The following RAB11FIP4 variants were observed in gnomAD, a reference collection of about 807,000 sequenced individuals.
The protein encoded by RAB11FIP4 is RAB11 family interacting protein 4, also known as rab11 family-interacting protein 4.
In RAB11FIP4, 23 loss-of-function variants were observed where a neutral mutation model predicts 74.3. The observed-to-expected ratio is 0.31, with a 90% CI of 0.22 to 0.44. The LOEUF is 0.44. RAB11FIP4 is among the 20% of genes least tolerant of loss of function. RAB11FIP4 has a pLI of 1.00. For missense variants in RAB11FIP4, 630 were observed against 863.9 expected (o/e 0.73, Z 3.39); for synonymous variants, 360 against 359.9 (o/e 1.00, Z 0.00).
rs145017030 is a variant in RAB11FIP4, at chr17:31,403,276, C to A, written c.159+11265C>A. On this transcript the variant is annotated intron_variant, in intron 1 of 14. Transcript: ENST00000621161. ...CAGAGAGGATATGGAGACCCAAGGACTCCAGGACCCACCAAAACTTGCTGG... is the reference window on the plus strand; with the variant it reads ...CAGAGAGGATATGGAGACCCAAGGAATCCAGGACCCACCAAAACTTGCTGG... Among the ~76,000 whole-genome samples the A allele has an allele frequency of 4.1e-3, 617 of 152,104 alleles. 2 individuals are homozygous for A. Among genetic ancestry groups the A allele is most frequent in the Non-Finnish European group, 6.7e-3 (456 of 67,990 alleles).
chr17:31,392,309 C>G (rs1028263514), intron 1 of RAB11FIP4: 17 of 247,578 alleles, frequency 6.9e-5, no homozygotes, highest in Non-Finnish European at 1.2e-4. Context: ...TGCACATCCA[C>G]CCTTGTCTGG....
At chr17:31,440,366 A>G (rs1302227572) in intron 3 of RAB11FIP4, among the ~76,000 whole-genome samples, 1 of 152,164 alleles carries the variant, frequency 6.6e-6, no homozygotes, top group Non-Finnish European at 1.5e-5. Context: ...CTGGTCTGTT[A>G]TATTGATCTG....
At chr17:31,392,384 T>C (rs528303871) in intron 1 of RAB11FIP4, 301 of 165,602 alleles carry the variant, frequency 1.8e-3, no homozygotes, top group African/African-American at 6.8e-3. Flanking sequence ...GAGACCAAGA[T>C]GCAAGGGTCT....
rs556780350 is a variant in RAB11FIP4 at position 31,501,974 on chromosome 17, C to T, written c.337-15677C>T. On this transcript the variant is annotated intron_variant, in intron 3 of 14. Transcript: ENST00000621161. ...CTCACGGTGGCCTGTAATCCCAGCA[C>T]GTTGGGAGGCCAAGGTGGCTGGCTG... 2.0e-5 allele frequency among the ~76,000 whole-genome samples: 3 copies of T among 152,150 alleles called. 1 individual carries two copies. The South Asian group carries it at 6.2e-4, about 32-fold the overall frequency.
At position 31,537,745 on chromosome 17, in the gene RAB11FIP4, GC is replaced by G; in HGVS notation, c.*6016del. ...CTGCCCCTGCCTGCTGTGAACACCT[GC>G]CCAGCCCTTCCTTGTCTGCTGAGGT... On this transcript the variant is annotated 3_prime_UTR_variant, in exon 15 of 15. Coordinates refer to ENST00000621161, the MANE Select transcript of RAB11FIP4 (RefSeq NM_032932.6). 1 of 153,508 alleles carries G rather than the reference GC, an allele frequency of 6.5e-6. No homozygotes were observed. Among genetic ancestry groups the G allele is most frequent in the Non-Finnish European group, 1.5e-5 (1 of 68,608 alleles). 9.5% of individuals were successfully genotyped at this position (153,508 alleles called of 1,614,324 possible).
intron 1 of RAB11FIP4, among the ~76,000 whole-genome samples, chr17:31,409,197 G>T (rs746898769): frequency 6.6e-6 from 1 of 152,148 alleles, no homozygotes; most frequent in East Asian, 1.9e-4. Context: ...TTACAGTGGA[G>T]AGACAGTAGC....
At chr17:31,505,810 A>G (rs949697119) in intron 3 of RAB11FIP4, among the ~76,000 whole-genome samples, 2 of 145,898 alleles carry the variant, frequency 1.4e-5, no homozygotes, top group East Asian at 2.0e-4. Flanking sequence ...GCCTCAAGCA[A>G]TCCTTTGGCC....
At position 31,428,963 on chromosome 17, in the gene RAB11FIP4, TATG is replaced by T. The variant is rs796090015; in HGVS notation, c.160-2835_160-2833del. ...GCTCTTAAAAAAAAGTTGTTATTAT[TATG>T]ATGATGATGATGATTATTATTATTA... On this transcript the variant is annotated intron_variant, in intron 1 of 14. Transcript: ENST00000621161. 5.9e-5 allele frequency among the ~76,000 whole-genome samples: 9 copies of T among 151,646 alleles called. No homozygotes were observed. In the East Asian group the frequency reaches 9.9e-4, roughly 17 times the overall value.
intron 3 of RAB11FIP4, among the ~76,000 whole-genome samples, chr17:31,453,172 G>C (rs1310285119): frequency 6.6e-6 from 1 of 152,016 alleles, no homozygotes; most frequent in African/African-American, 2.4e-5. Context: ...GCAACATAGA[G>C]AGACCCCATA....
Position 31,484,378 on chromosome 17 carries a change from G to C in RAB11FIP4, c.337-33273G>C, listed in dbSNP as rs532605620. On this transcript the variant is annotated intron_variant, in intron 3 of 14. Transcript: ENST00000621161. The stretch of plus-strand genomic sequence containing the variant: ...GAGCCACTGCGCCGGGCCTGACATT[G>C]TCTCTTTAAAAAAAAAAAGGAACCT... 4.4e-3 allele frequency among the ~76,000 whole-genome samples: 666 copies of C among 149,854 alleles called. 5 individuals are homozygous for C. The highest frequency in any genetic ancestry group is 0.015 in the African/African-American group (619 of 40,488).
chr17:31,503,046 G>C (rs200917687), intron 3 of RAB11FIP4, among the ~76,000 whole-genome samples: 1 of 138,152 alleles, frequency 7.2e-6, no homozygotes, highest in Admixed American at 7.2e-5. Flanking sequence ...TTTGTTGTTT[G>C]TTTTAAGACA....
intron 3 of RAB11FIP4, among the ~76,000 whole-genome samples, chr17:31,469,062 T>C (rs1026895594): frequency 3.3e-5 from 5 of 152,202 alleles, no homozygotes; most frequent in Non-Finnish European, 7.3e-5. Context: ...CTCGTAAGTA[T>C]TGGCTTTCAT....
At chr17:31,441,336 A>G (rs890073267) in intron 3 of RAB11FIP4, among the ~76,000 whole-genome samples, 1 of 151,804 alleles carries the variant, frequency 6.6e-6, no homozygotes, top group Non-Finnish European at 1.5e-5. Flanking sequence ...GGAAAGTTTT[A>G]TAATTTTCTT....
intron 1 of RAB11FIP4, among the ~76,000 whole-genome samples, chr17:31,418,489 G>A: frequency 8.6e-6 from 1 of 115,790 alleles, no homozygotes; most frequent in Non-Finnish European, 1.7e-5. Flanking sequence ...TTTGAGACAG[G>A]GTCTCACTGT....
intron 3 of RAB11FIP4, among the ~76,000 whole-genome samples, chr17:31,474,870 C>CAAA (rs1192733364): frequency 0.016 from 1,813 of 116,712 alleles, 44 homozygotes; most frequent in African/African-American, 0.052. Flanking sequence ...CAAAACAAAA[C>CAAA]AAAACAAAAA....
intron 3 of RAB11FIP4, among the ~76,000 whole-genome samples, chr17:31,478,477 G>C (rs1035387459): frequency 1.3e-5 from 2 of 152,306 alleles, no homozygotes; most frequent in South Asian, 2.1e-4. Context: ...AGCTAGGGAG[G>C]CTTCTCTCCT....
At chr17:31,509,192 CGTG>C (rs2072408178) in intron 3 of RAB11FIP4, 3 of 152,540 alleles carry the variant, frequency 2.0e-5, no homozygotes, top group African/African-American at 7.2e-5. Flanking sequence ...GCACAGGAAA[CGTG>C]GTGAAACCCT....
At chr17:31,453,410 A>C (rs1419369702) in intron 3 of RAB11FIP4, among the ~76,000 whole-genome samples, 1 of 146,080 alleles carries the variant, frequency 6.8e-6, no homozygotes, top group African/African-American at 2.6e-5. Flanking sequence ...GGACCTTTGG[A>C]GTCCAAGAGT....
intron 3 of RAB11FIP4, among the ~76,000 whole-genome samples, chr17:31,499,655 A>G (rs972879092): frequency 2.6e-5 from 4 of 152,164 alleles, no homozygotes; most frequent in Non-Finnish European, 5.9e-5. Flanking sequence ...GCACCTGGCC[A>G]CATTTCCCCA....
Sources: allele counts gnomAD v4.1 joint callset (sites outside exome capture counted in the v4.1 genomes callset), GRCh38; gene constraint gnomAD v4.1.1; transcripts MANE v1.5; gene names NCBI Gene and HGNC (gene_info 2026-07-23, HGNC 2026-07-21).